The following BNC2 variants were observed in gnomAD, a reference collection of about 807,000 sequenced individuals.
BNC2 encodes zinc finger protein basonuclin-2.
In BNC2, 20 loss-of-function variants were observed where a neutral mutation model predicts 76.3. The ratio of observed to expected loss-of-function variants is 0.26; its 90% confidence interval spans 0.18 to 0.38. BNC2 has a LOEUF of 0.38. Among genes scored for constraint, BNC2 ranks in the 10% least tolerant of loss-of-function variants. The pLI is 1.00. For synonymous variants in BNC2, 582 were observed against 514.8 expected, an observed-to-expected ratio of 1.13 and a Z score of -1.77; for missense variants, 1,382 against 1,399.8, an observed-to-expected ratio of 0.99 and a Z score of 0.20.
chr9:16,703,794 T>A (rs1210122222), intron 3 of BNC2, among the ~76,000 whole-genome samples: 2 of 152,184 alleles, frequency 1.3e-5, no homozygotes, highest in African/African-American at 4.8e-5. Flanking sequence ...TTGAGTTGAA[T>A]TTTTGTTACA....
intron 5 of BNC2, among the ~76,000 whole-genome samples, chr9:16,457,309 G>A (rs1017266784): frequency 6.6e-6 from 1 of 152,050 alleles, no homozygotes; most frequent in African/African-American, 2.4e-5. Flanking sequence ...GTTTTGGGGG[G>A]ACTAACTTAC....
intron 5 of BNC2, among the ~76,000 whole-genome samples, chr9:16,488,050 C>T (rs867133813): frequency 4.2e-5 from 5 of 119,556 alleles, no homozygotes; most frequent in Admixed American, 9.3e-5. Flanking sequence ...GAGCTCTTTG[C>T]TTTATCTTTG....
intron 5 of BNC2, among the ~76,000 whole-genome samples, chr9:16,527,091 G>A (rs996816784): frequency 6.6e-6 from 1 of 152,170 alleles, no homozygotes; most frequent in Non-Finnish European, 1.5e-5. Flanking sequence ...AAGCAAGAGA[G>A]CACATGTCCA....
intron 5 of BNC2, among the ~76,000 whole-genome samples, chr9:16,538,196 T>C (rs924825917): frequency 2.0e-5 from 3 of 152,318 alleles, no homozygotes; most frequent in East Asian, 1.9e-4. Context: ...GTCCTACCAA[T>C]TGGACACTGC....
chr9:16,632,493 T>C (rs545930106), intron 3 of BNC2, among the ~76,000 whole-genome samples: 1 of 151,722 alleles, frequency 6.6e-6, no homozygotes, highest in Non-Finnish European at 1.5e-5. Flanking sequence ...GGTCACATTC[T>C]GCCAAACTGA....
intron 1 of BNC2, among the ~76,000 whole-genome samples, chr9:16,813,963 T>C (rs1818119163): frequency 6.6e-6 from 1 of 152,224 alleles, no homozygotes; most frequent in Non-Finnish European, 1.5e-5. Flanking sequence ...AACTAATCTC[T>C]GAGACTCCAT....
chr9:16,553,956 T>C (rs1168765478), intron 4 of BNC2, among the ~76,000 whole-genome samples: 3 of 152,178 alleles, frequency 2.0e-5, no homozygotes, highest in Non-Finnish European at 4.4e-5. Flanking sequence ...GTCAGAATTA[T>C]ATGCATATGC....
At chr9:16,757,119 C>A (rs1213507063) in intron 1 of BNC2, among the ~76,000 whole-genome samples, 2 of 151,942 alleles carry the variant, frequency 1.3e-5, no homozygotes, top group African/African-American at 2.4e-5. Flanking sequence ...GATGGCAGGG[C>A]TCTTTGAACC....
At chr9:16,662,745 T>C (rs1426544844) in intron 3 of BNC2, among the ~76,000 whole-genome samples, 1 of 149,986 alleles carries the variant, frequency 6.7e-6, no homozygotes, top group Non-Finnish European at 1.5e-5. Flanking sequence ...AAAAATAAAA[T>C]AAAACAAGAG....
intron 1 of BNC2, among the ~76,000 whole-genome samples, chr9:16,769,833 G>C (rs1031047547): frequency 1.3e-5 from 2 of 152,138 alleles, no homozygotes; most frequent in Admixed American, 1.3e-4. Context: ...TGTCATTGAA[G>C]CTTGCAAACG....
intron 5 of BNC2, among the ~76,000 whole-genome samples, chr9:16,497,836 G>A (rs1822422412): frequency 6.6e-6 from 1 of 152,018 alleles, no homozygotes; most frequent in African/African-American, 2.4e-5. Context: ...AGTCATATCT[G>A]TGAACAGATA....
intron 1 of BNC2, among the ~76,000 whole-genome samples, chr9:16,839,580 G>A (rs1003900946): frequency 6.6e-6 from 1 of 152,170 alleles, no homozygotes; most frequent in Admixed American, 6.5e-5. Flanking sequence ...CCCCATGCAA[G>A]TCTAAAGCAC....
At chr9:16,804,894 T>G (rs1366550810) in intron 1 of BNC2, among the ~76,000 whole-genome samples, 2 of 151,958 alleles carry the variant, frequency 1.3e-5, no homozygotes, top group African/African-American at 4.8e-5. Flanking sequence ...AAACCCCGTC[T>G]CTACTAAAAA....
At chr9:16,735,567 G>T (rs1181460662) in intron 2 of BNC2, among the ~76,000 whole-genome samples, 1 of 152,028 alleles carries the variant, frequency 6.6e-6, no homozygotes, top group East Asian at 1.9e-4. Flanking sequence ...CGTGATCTCG[G>T]GTTACTGCAA....
chr9:16,727,966 C>T lies in BNC2; in HGVS notation c.161G>A (p.Arg54Lys), dbSNP rs569050720. ...SEEAEVDVRE[R>K]ETQRDREPKR... is the part of the protein sequence containing the mutation. ...TGGCTCTCTGTCTCTCTGTGTCTCT[C>T]TTTCTCTCACATCCACTTCTGCCTC... The change falls in exon 3 of 7, where the codon AGA (arginine) becomes AAA (lysine). Residue 54 changes from arginine to lysine, a missense_variant. Transcript: ENST00000380672. 3.1e-6 allele frequency: 5 copies of T among 1,614,032 alleles called. No individual in the cohort carries two copies. The South Asian group carries it at 4.4e-5, about 14-fold the overall frequency.
At chr9:16,666,488 C>G (rs527682650) in intron 3 of BNC2, among the ~76,000 whole-genome samples, 2 of 152,200 alleles carry the variant, frequency 1.3e-5, no homozygotes, top group Admixed American at 6.5e-5. Flanking sequence ...AACACACGCA[C>G]AGAAAGGTTA....
chr9:16,604,865 C>A (rs1305549711), intron 3 of BNC2, among the ~76,000 whole-genome samples: 2 of 152,130 alleles, frequency 1.3e-5, no homozygotes, highest in Non-Finnish European at 2.9e-5. Flanking sequence ...GTGAATTTTA[C>A]TTCAATAAAG....
chr9:16,845,446 G>C (rs747290311), intron 1 of BNC2, among the ~76,000 whole-genome samples: 7 of 152,198 alleles, frequency 4.6e-5, no homozygotes, highest in Non-Finnish European at 1.0e-4. Flanking sequence ...AATTGGCCGG[G>C]CGCGGTGGCT....
At chr9:16,719,448 G>A (rs912200109) in intron 3 of BNC2, among the ~76,000 whole-genome samples, 2 of 152,106 alleles carry the variant, frequency 1.3e-5, no homozygotes, top group Non-Finnish European at 2.9e-5. Flanking sequence ...CATGTAAAAC[G>A]TTCACTAACC....
Sources: allele counts gnomAD v4.1 joint callset (sites outside exome capture counted in the v4.1 genomes callset), GRCh38; gene constraint gnomAD v4.1.1; transcripts MANE v1.5; gene names NCBI Gene and HGNC (gene_info 2026-07-23, HGNC 2026-07-21).